The following TEX14 variants were observed in gnomAD, a reference collection of about 807,000 sequenced individuals.
TEX14 encodes testis expressed 14, intercellular bridge forming factor.
In TEX14, 168 loss-of-function variants were observed where a neutral mutation model predicts 178.6. The ratio of observed to expected loss-of-function variants is 0.94; its 90% CI spans 0.83 to 1.07. TEX14 has a LOEUF of 1.07. Among genes scored for constraint, TEX14 ranks in the 50% least tolerant of loss-of-function variants. The pLI is 0.00. For synonymous variants in TEX14, 626 were observed against 634.1 expected (o/e 0.99, Z 0.19); for missense variants, 1,730 against 1,753.6 (o/e 0.99, Z 0.24).
intron 2 of TEX14, among the ~76,000 whole-genome samples, chr17:58,649,927 A>G (rs2046803608): frequency 6.6e-6 from 1 of 151,732 alleles, no homozygotes; most frequent in Non-Finnish European, 1.5e-5. Context: ...TTTAGTAGAA[A>G]TGGGGTTTCA....
rs140957139 is a variant in TEX14, at chr17:58,628,113, T to C, written c.251+2327A>G. Among the ~76,000 whole-genome samples, 866 of 152,046 alleles carry C rather than the reference T, an allele frequency of 5.7e-3. 5 individuals carry two copies. Among genetic ancestry groups the C allele is most frequent in the African/African-American group, 9.1e-3 (378 of 41,470 alleles). ...TACGGTAGAGCCAGTAGAGCGTGTGTGAGTCTAGAAAAATTCTGCAAGGAA... is the reference window on the plus strand; with the variant it reads ...TACGGTAGAGCCAGTAGAGCGTGTGCGAGTCTAGAAAAATTCTGCAAGGAA... On this transcript the variant is annotated intron_variant, in intron 3 of 31. Transcript: ENST00000349033.
chr17:58,607,467 T>C (rs1175509352), intron 10 of TEX14, among the ~76,000 whole-genome samples: 1 of 150,314 alleles, frequency 6.7e-6, no homozygotes. Context: ...CTCCAATCCA[T>C]CCTGCCCCTG....
At chr17:58,661,516 G>A in intron 1 of TEX14, 2 of 779,960 alleles carry the variant, frequency 2.6e-6, no homozygotes, top group Non-Finnish European at 4.8e-6. Flanking sequence ...TCGCTCCTTC[G>A]ACTTCGTCCA....
At chr17:58,649,253 T>C (rs560917194) in intron 2 of TEX14, among the ~76,000 whole-genome samples, 1 of 151,988 alleles carries the variant, frequency 6.6e-6, no homozygotes, top group Admixed American at 6.6e-5. Context: ...CTAATTTTTA[T>C]ATTTTTAGTA....
intron 17 of TEX14, among the ~76,000 whole-genome samples, chr17:58,586,749 AC>A (rs1216656529): frequency 6.6e-6 from 1 of 151,964 alleles, no homozygotes; most frequent in Non-Finnish European, 1.5e-5. Flanking sequence ...AAAAAAAAAA[AC>A]AATCAATTCC....
chr17:58,631,364 C>G (rs149928192), intron 2 of TEX14, among the ~76,000 whole-genome samples: 1 of 152,074 alleles, frequency 6.6e-6, no homozygotes, highest in Non-Finnish European at 1.5e-5. Flanking sequence ...GAAACTGAAG[C>G]ATGAGGACTG....
At chr17:58,585,744 T>G in intron 18 of TEX14, 57 bp downstream of exon 18, 1 of 1,446,816 alleles carries the variant, frequency 6.9e-7, no homozygotes, top group Admixed American at 1.9e-5. Flanking sequence ...CTGAGCCACC[T>G]CGCCCGACTG....
intron 23 of TEX14, 134 bp downstream of exon 23, chr17:58,573,047 T>G: frequency 1.6e-6 from 2 of 1,265,696 alleles, no homozygotes; most frequent in Non-Finnish European, 2.2e-6. Context: ...GATTACCCAG[T>G]TTTGGCCCTA....
At position 58,571,992 on chromosome 17, in the gene TEX14, G is replaced by C; in HGVS notation, c.3646C>G (p.Arg1216Gly). The change falls in exon 24 of 32, where the codon CGA becomes GGA. Residue 1216 changes from arginine (R) to glycine (G), a missense_variant. Around this residue, in one of 2 missense-constraint regions of TEX14, gnomAD observed 941 missense variants for 1,072.4 expected, o/e 0.88. Coordinates refer to ENST00000349033, the MANE Select transcript of TEX14 (RefSeq NM_031272.5). Reference protein sequence around the residue: ...QTLSDDFISVRERAKKLDSLL... With the variant: ...QTLSDDFISVGERAKKLDSLL... ...GAATCCAGTTTCTTTGCTCTCTCTC[G>C]GACACTTATAAAGTCATCAGACAAA... 1 of 1,614,026 alleles carries C rather than the reference G, an allele frequency of 6.2e-7. No homozygotes were observed.
intron 19 of TEX14, among the ~76,000 whole-genome samples, chr17:58,583,838 T>C (rs1314009124): frequency 6.6e-6 from 1 of 152,248 alleles, no homozygotes; most frequent in Non-Finnish European, 1.5e-5. Flanking sequence ...TTAAATACAA[T>C]AGGTCAAAAG....
rs1357455226 is a variant in TEX14 at position 58,667,515 on chromosome 17, T to C, written c.-1-15513A>G. ...CTGTTTACCATGCATCTGGACTTTA[T>C]GGTTAATCCTCACAACGTTGAGGTA... On this transcript the variant is annotated intron_variant, in intron 1 of 31. Coordinates refer to ENST00000349033, the MANE Select transcript of TEX14 (RefSeq NM_031272.5). 2.6e-5 allele frequency among the ~76,000 whole-genome samples: 4 copies of C among 152,210 alleles called. No individual in the cohort carries two copies. In the East Asian group the frequency reaches 5.8e-4, roughly 22 times the overall value.
chr17:58,689,280 G>A (rs1371996058), intron 1 of TEX14, among the ~76,000 whole-genome samples: 1 of 151,718 alleles, frequency 6.6e-6, no homozygotes, highest in East Asian at 1.9e-4. Context: ...AGAGTGCAGT[G>A]GCCTGATCTC....
intron 18 of TEX14, among the ~76,000 whole-genome samples, 195 bp from the exon 19 acceptor site, chr17:58,584,795 GC>G (rs1216080531): frequency 6.6e-6 from 1 of 152,164 alleles, no homozygotes; most frequent in African/African-American, 2.4e-5. Context: ...TGGATCATCT[GC>G]CCACCCATTC....
At chr17:58,565,059 C>T in intron 27 of TEX14, 91 bp from the exon 28 acceptor site, 1 of 751,484 alleles carries the variant, frequency 1.3e-6, no homozygotes, top group South Asian at 1.8e-5. Flanking sequence ...TAAGGCCAAT[C>T]AGTGGTCCCT....
At position 58,599,308 on chromosome 17, in the gene TEX14, C is replaced by G. The variant is rs749226966; in HGVS notation, c.2037G>C (p.Glu679Asp). Residue 679 changes from glutamate to aspartate, a missense_variant, in exon 14 of 32, where the codon GAG (glutamate) becomes GAC (aspartate). Around this residue, in one of 2 missense-constraint regions of TEX14, gnomAD observed 941 missense variants for 1,072.4 expected, o/e 0.88. Coordinates refer to ENST00000349033, the MANE Select transcript of TEX14 (RefSeq NM_031272.5). ...REACCFGSED[E>D]SSSKAETEYS... ...ACTCTGTCTCAGCTTTTGAAGAGCT[C>G]TCATCCTCACTGCCAAAACAACACG... 1.9e-6 allele frequency: 3 copies of G among 1,613,514 alleles called. No homozygotes were observed. The highest frequency in any genetic ancestry group is 2.5e-6 in the Non-Finnish European group (3 of 1,180,028).
intron 8 of TEX14, 61 bp from the exon 9 acceptor site, chr17:58,613,605 G>T: frequency 6.4e-7 from 1 of 1,562,080 alleles, no homozygotes; most frequent in Non-Finnish European, 8.7e-7. Context: ...GAAAAAATGA[G>T]CGTAGGCCTT....
intron 2 of TEX14, among the ~76,000 whole-genome samples, chr17:58,630,791 A>G (rs147405038): frequency 6.6e-6 from 1 of 152,306 alleles, no homozygotes; most frequent in East Asian, 1.9e-4. Flanking sequence ...CATTTAGTTC[A>G]CCACACTGGC....
At chr17:58,613,914 G>A (rs955820900) in intron 8 of TEX14, among the ~76,000 whole-genome samples, 16 of 152,032 alleles carry the variant, frequency 1.1e-4, no homozygotes, top group African/African-American at 3.9e-4. Context: ...TGATCCACCC[G>A]CCTTGGCCTC....
At chr17:58,616,408 C>A in intron 6 of TEX14, 103 bp from the exon 7 acceptor site, 3 of 1,422,598 alleles carry the variant, frequency 2.1e-6, no homozygotes, top group Non-Finnish European at 2.8e-6. Flanking sequence ...TGCTATTTAT[C>A]AACTTTCTGA....
Sources: gnomAD v4.1 joint callset for allele counts (sites outside exome capture counted in the v4.1 genomes callset) on GRCh38, gnomAD v4.1.1 for gene constraint, gnomAD v4.1.1 regional missense constraint, MANE v1.5 for transcripts, NCBI Gene and HGNC (gene_info 2026-07-23, HGNC 2026-07-21) for gene names.